The following GABRG3 variants were observed in gnomAD, a reference collection of about 807,000 sequenced individuals.
The protein encoded by GABRG3 is gamma-aminobutyric acid receptor subunit gamma-3.
Under a neutral mutation model 48.8 loss-of-function variants are expected in GABRG3, and 25 were observed. The observed-to-expected ratio is 0.51, with a 90% CI of 0.37 to 0.72. The LOEUF is 0.72. Ranked by LOEUF, GABRG3 falls within the 30% of genes least tolerant of loss-of-function variation. The pLI is 0.00. For missense variants in GABRG3, 394 were observed against 577.9 expected (o/e 0.68, Z 3.26); for synonymous variants, 227 against 217.6 (o/e 1.04, Z -0.38).
chr15:27,398,109 C>T (rs543174495), intron 5 of GABRG3, among the ~76,000 whole-genome samples: 2 of 152,110 alleles, frequency 1.3e-5, no homozygotes, highest in African/African-American at 4.8e-5. Context: ...CGGCTCTTCT[C>T]TGAAATTTTA....
At chr15:27,153,632 ATCT>A (rs1269863191) in intron 3 of GABRG3, among the ~76,000 whole-genome samples, 1 of 152,094 alleles carries the variant, frequency 6.6e-6, no homozygotes, top group Admixed American at 6.5e-5. Flanking sequence ...TTTTATTTAG[ATCT>A]TCTTTGATTT....
chr15:27,436,367 C>T (rs1257181374), intron 5 of GABRG3, among the ~76,000 whole-genome samples: 2 of 152,160 alleles, frequency 1.3e-5, no homozygotes, highest in African/African-American at 4.8e-5. Flanking sequence ...ACTGGGAATT[C>T]GGATTTGAGC....
chr15:27,331,267 T>A (rs1347838844), intron 5 of GABRG3, among the ~76,000 whole-genome samples: 2 of 152,172 alleles, frequency 1.3e-5, no homozygotes, highest in Non-Finnish European at 2.9e-5. Context: ...TTAAAACTTA[T>A]GTCCACACCA....
At position 27,535,023 on chromosome 15, in the gene GABRG3, T is replaced by A. The variant is rs896179021; in HGVS notation, c.*2142T>A. Reference sequence around the variant, plus strand: ...TCTCCTCTATTGGAGAATTTCACACTCTGGTACTCTAGTTCTGTCTCTCAT... The same window carrying A: ...TCTCCTCTATTGGAGAATTTCACACACTGGTACTCTAGTTCTGTCTCTCAT... On this transcript the variant is annotated 3_prime_UTR_variant, in exon 10 of 10. Coordinates refer to ENST00000615808, the MANE Select transcript of GABRG3 (RefSeq NM_033223.5). 7 of 152,198 alleles carry A rather than the reference T, an allele frequency of 4.6e-5. No homozygotes were observed. Among genetic ancestry groups the A allele is most frequent in the Non-Finnish European group, 1.5e-5 (1 of 68,040 alleles). 9.4% of individuals were successfully genotyped at this position (152,198 alleles called of 1,614,324 possible).
intron 3 of GABRG3, among the ~76,000 whole-genome samples, chr15:27,050,381 G>A (rs1896436927): frequency 6.6e-6 from 1 of 152,148 alleles, no homozygotes; most frequent in Non-Finnish European, 1.5e-5. Context: ...TGAAATTACT[G>A]TCCCTTTCTC....
chr15:27,172,578 C>G (rs1005429400), intron 3 of GABRG3, among the ~76,000 whole-genome samples: 1 of 152,186 alleles, frequency 6.6e-6, no homozygotes, highest in Non-Finnish European at 1.5e-5. Flanking sequence ...CTGTTCGGCA[C>G]TCAGAACATC....
chr15:27,204,195 T>C (rs1888778556), intron 3 of GABRG3, among the ~76,000 whole-genome samples: 1 of 152,164 alleles, frequency 6.6e-6, no homozygotes. Flanking sequence ...TACATTTAAG[T>C]CTTTAATCCA....
At chr15:27,242,258 T>C (rs1890149254) in intron 3 of GABRG3, among the ~76,000 whole-genome samples, 1 of 152,232 alleles carries the variant, frequency 6.6e-6, no homozygotes, top group South Asian at 2.1e-4. Context: ...GATTCTGTTC[T>C]CTAAGCTGGA....
In GABRG3 at chr15:26,976,873, CGT is replaced by C. The variant is rs1894958847; in HGVS notation, c.54-123_54-122del. 1 of 811,964 alleles carries C rather than the reference CGT, an allele frequency of 1.2e-6. No individual in the cohort carries two copies. 50.3% of individuals were successfully genotyped at this position (811,964 alleles called of 1,614,324 possible). A position where few individuals can be genotyped will look rare whatever the true frequency, so the allele number is the denominator to read the frequency against. The stretch of plus-strand genomic sequence containing the variant: ...TTTAGAAAATATTTTCGGGTTTTCA[CGT>C]GTGTGGTTGGGCTGTGGGTACTGGG... On this transcript the variant is annotated intron_variant, in intron 1 of 9. Transcript: ENST00000615808. The surrounding 1 kb of genome is among the most constrained non-coding windows in gnomAD (Gnocchi z 7.8).
At chr15:27,478,939 A>G (rs1890027533) in intron 5 of GABRG3, among the ~76,000 whole-genome samples, 1 of 152,216 alleles carries the variant, frequency 6.6e-6, no homozygotes, top group African/African-American at 2.4e-5. Context: ...AATGTCCAGA[A>G]TAGACCAAAC....
chr15:27,326,629 A>G (rs936355515), intron 3 of GABRG3, among the ~76,000 whole-genome samples, 180 bp from the exon 4 acceptor site: 13 of 152,224 alleles, frequency 8.5e-5, no homozygotes, highest in African/African-American at 2.9e-4. Context: ...TACACTGTTG[A>G]CAAATAATAT....
intron 3 of GABRG3, among the ~76,000 whole-genome samples, chr15:27,148,044 A>G (rs894906292): frequency 2.0e-5 from 3 of 151,958 alleles, no homozygotes; most frequent in East Asian, 1.9e-4. Context: ...GAAAAGATCA[A>G]CAAAATTGAC....
At chr15:27,270,454 C>T (rs1244468539) in intron 3 of GABRG3, among the ~76,000 whole-genome samples, 1 of 152,082 alleles carries the variant, frequency 6.6e-6, no homozygotes, top group Admixed American at 6.6e-5. Flanking sequence ...AGGAAAAGTT[C>T]TATTGAAAGA....
chr15:27,468,412 G>C (rs1889683306), intron 5 of GABRG3, among the ~76,000 whole-genome samples: 1 of 152,160 alleles, frequency 6.6e-6, no homozygotes, highest in Non-Finnish European at 1.5e-5. Context: ...TCATGGGGTT[G>C]GTGGTTGTGT....
chr15:27,071,429 T>C (rs552793804), intron 3 of GABRG3, among the ~76,000 whole-genome samples: 2 of 152,358 alleles, frequency 1.3e-5, no homozygotes, highest in Admixed American at 6.5e-5. Context: ...GCTTTGTTGC[T>C]TTTGCTGGTA....
At chr15:27,070,836 A>G (rs1032483963) in intron 3 of GABRG3, among the ~76,000 whole-genome samples, 1 of 152,184 alleles carries the variant, frequency 6.6e-6, no homozygotes, top group Non-Finnish European at 1.5e-5. Flanking sequence ...CTGAATTTAG[A>G]AAATGAGAAC....
chr15:27,224,486 G>T (rs1382376664), intron 3 of GABRG3, among the ~76,000 whole-genome samples: 1 of 152,160 alleles, frequency 6.6e-6, no homozygotes, highest in Non-Finnish European at 1.5e-5. Flanking sequence ...ACCTGCACTG[G>T]CAGTGCTGGC....
chr15:27,302,361 G>A (rs1413080303), intron 3 of GABRG3, among the ~76,000 whole-genome samples: 1 of 151,958 alleles, frequency 6.6e-6, no homozygotes, highest in Non-Finnish European at 1.5e-5. Flanking sequence ...TATCAGAAAA[G>A]TAAACTTCAG....
intron 3 of GABRG3, among the ~76,000 whole-genome samples, chr15:27,242,281 G>T (rs961627580): frequency 6.6e-6 from 1 of 152,204 alleles, no homozygotes; most frequent in Admixed American, 6.5e-5. Context: ...TGTTTTATAA[G>T]AGTTCCCTTA....
Sources: allele counts gnomAD v4.1 joint callset (sites outside exome capture counted in the v4.1 genomes callset), GRCh38; gene constraint gnomAD v4.1.1; non-coding constraint Gnocchi (gnomAD v3.1); transcripts MANE v1.5; gene names NCBI Gene and HGNC (gene_info 2026-07-23, HGNC 2026-07-21).